Variants in MCTP2 observed in about 807,000 individuals in gnomAD.
MCTP2 encodes multiple C2 and transmembrane domain-containing protein 2.
A neutral mutation model predicts 111.6 loss-of-function variants in MCTP2; 132 were observed. The observed-to-expected ratio is 1.18, with a 90% CI of 1.03 to 1.37. The LOEUF (loss-of-function observed/expected upper bound fraction) is 1.37, where lower values mean the gene tolerates loss of function less well. Ranked by LOEUF, MCTP2 falls within the 40% of genes most tolerant of loss-of-function variation. The probability of loss-of-function intolerance (pLI) is 0.00; values close to 1 mark genes in which losing one functional copy is unlikely to be tolerated. For missense variants in MCTP2, 1,183 were observed against 1,067.9 expected, an observed-to-expected ratio of 1.11 and a Z score of -1.50; for synonymous variants, 395 against 387.7, an observed-to-expected ratio of 1.02 and a Z score of -0.22.
At chr15:94,352,176 T>C (rs993469377) in intron 8 of MCTP2, among the ~76,000 whole-genome samples, 1 of 152,228 alleles carries the variant, frequency 6.6e-6, no homozygotes, top group Non-Finnish European at 1.5e-5. Flanking sequence ...CAGAAACTTA[T>C]GAGGATTCCC....
intron 8 of MCTP2, among the ~76,000 whole-genome samples, chr15:94,353,464 C>G (rs1031389248): frequency 6.6e-6 from 1 of 152,142 alleles, no homozygotes; most frequent in African/African-American, 2.4e-5. Context: ...AGATAGAAGC[C>G]TTTCCAAGAT....
chr15:94,248,767 G>GT (rs2072198434), intron 1 of MCTP2, among the ~76,000 whole-genome samples: 3 of 152,184 alleles, frequency 2.0e-5, no homozygotes, highest in Non-Finnish European at 4.4e-5. Context: ...AGACAGTGAG[G>GT]CTTTGCAAAG....
chr15:94,375,270 C>T (rs2079703586), intron 12 of MCTP2, among the ~76,000 whole-genome samples: 1 of 152,178 alleles, frequency 6.6e-6, no homozygotes, highest in South Asian at 2.1e-4. Flanking sequence ...GAAGGATCCA[C>T]ACCTGTGATC....
At chr15:94,259,114 G>C (rs2073026717) in intron 1 of MCTP2, among the ~76,000 whole-genome samples, 1 of 152,200 alleles carries the variant, frequency 6.6e-6, no homozygotes, top group Non-Finnish European at 1.5e-5. Context: ...TGCTCACTCA[G>C]TTCACTCTGG....
At chr15:94,469,680 G>A (rs1379044585) in intron 20 of MCTP2, among the ~76,000 whole-genome samples, 1 of 152,026 alleles carries the variant, frequency 6.6e-6, no homozygotes. Context: ...CTAGCCTGGG[G>A]TGACATAGGG....
chr15:94,350,778 T>C (rs1224554495), intron 8 of MCTP2, among the ~76,000 whole-genome samples: 1 of 152,230 alleles, frequency 6.6e-6, no homozygotes, highest in Non-Finnish European at 1.5e-5. Flanking sequence ...ATTAATACTA[T>C]TGCACATGAG....
intron 1 of MCTP2, among the ~76,000 whole-genome samples, chr15:94,277,633 T>C (rs1301075742): frequency 6.6e-6 from 1 of 152,116 alleles, no homozygotes; most frequent in East Asian, 1.9e-4. Context: ...CTATAGAGAC[T>C]ATAATGCAAT....
chr15:94,450,362 G>A (rs116824217), intron 19 of MCTP2, among the ~76,000 whole-genome samples: 650 of 152,282 alleles, frequency 4.3e-3, no homozygotes, highest in African/African-American at 0.014. Context: ...GTGTGCACGC[G>A]CACGTGTGCG....
chr15:94,244,173 CAT>C (rs1356226357), intron 1 of MCTP2, among the ~76,000 whole-genome samples: 7 of 145,076 alleles, frequency 4.8e-5, no homozygotes, highest in Non-Finnish European at 9.0e-5. Context: ...CGTGTATACA[CAT>C]ACGTATGTGT....
chr15:94,249,649 C>G (rs973455098), intron 1 of MCTP2, among the ~76,000 whole-genome samples: 1 of 152,090 alleles, frequency 6.6e-6, no homozygotes, highest in Non-Finnish European at 1.5e-5. Context: ...CCACGCCCAG[C>G]TAATTTTTTG....
At position 94,339,370 on chromosome 15, in the gene MCTP2, C is replaced by G; in HGVS notation, c.718C>G (p.Pro240Ala). The change falls in exon 5 of 23, where the codon CCA (proline) becomes GCA (alanine). Residue 240 changes from proline to alanine, a missense_variant. Physicochemically the swap from Pro to Ala is conservative, Grantham distance 27 (BLOSUM62 -1). Transcript: ENST00000357742. ...KSKVIYKNLN[P>A]VWDEIVVLPI... ...TAAAGTCATATATAAGAACTTGAAC[C>G]CAGTATGGGATGAGATAGTTGTATT... is the stretch of plus-strand genomic sequence containing the variant. The G allele has an allele frequency of 6.2e-7, 1 of 1,611,958 alleles. No homozygotes were observed. The highest frequency in any genetic ancestry group is 8.5e-7 in the Non-Finnish European group (1 of 1,178,680).
At chr15:94,440,809 G>T (rs1201678191) in intron 18 of MCTP2, among the ~76,000 whole-genome samples, 3 of 152,148 alleles carry the variant, frequency 2.0e-5, no homozygotes, top group African/African-American at 4.8e-5. Context: ...CTATTTGCAG[G>T]TGCCCACATT....
At chr15:94,284,158 AATGGGACCTT>A (rs2152316593) in intron 1 of MCTP2, among the ~76,000 whole-genome samples, 1 of 152,314 alleles carries the variant, frequency 6.6e-6, no homozygotes, top group Non-Finnish European at 1.5e-5. Flanking sequence ...GGTGTTTCTC[AATGGGACCTT>A]ATTGGTAATT....
chr15:94,239,011 A>G (rs930636482), intron 1 of MCTP2, among the ~76,000 whole-genome samples: 1 of 150,704 alleles, frequency 6.6e-6, no homozygotes, highest in African/African-American at 2.4e-5. Context: ...TGACCGTGAA[A>G]AAAAAAAAAA....
intron 21 of MCTP2, among the ~76,000 whole-genome samples, chr15:94,472,022 G>A (rs1056725820): frequency 5.3e-5 from 8 of 152,144 alleles, no homozygotes; most frequent in African/African-American, 1.9e-4. Flanking sequence ...TGCTTCTTCT[G>A]GACTTCCTCA....
chr15:94,320,744 G>A (rs567823260), intron 4 of MCTP2, among the ~76,000 whole-genome samples: 4 of 152,290 alleles, frequency 2.6e-5, no homozygotes, highest in Non-Finnish European at 5.9e-5. Flanking sequence ...AGATGAAGAT[G>A]ACTTTCATAT....
At chr15:94,459,007 A>G (rs931547028) in intron 20 of MCTP2, among the ~76,000 whole-genome samples, 1 of 135,838 alleles carries the variant, frequency 7.4e-6, no homozygotes, top group South Asian at 2.7e-4. Context: ...AACTCCAGTT[A>G]AGAAAGACTG....
At chr15:94,323,167 T>C (rs2076703668) in intron 4 of MCTP2, among the ~76,000 whole-genome samples, 1 of 152,200 alleles carries the variant, frequency 6.6e-6, no homozygotes, top group African/African-American at 2.4e-5. Flanking sequence ...AACTACACCA[T>C]TGTTAATTGT....
intron 7 of MCTP2, among the ~76,000 whole-genome samples, chr15:94,344,901 T>C (rs1246837448): frequency 6.6e-6 from 1 of 152,216 alleles, no homozygotes; most frequent in Non-Finnish European, 1.5e-5. Context: ...GGCTTTTTCA[T>C]ACTGAATACT....
Sources: gnomAD v4.1 joint callset for allele counts (sites outside exome capture counted in the v4.1 genomes callset) on GRCh38, gnomAD v4.1.1 for gene constraint, MANE v1.5 for transcripts, NCBI Gene and HGNC (gene_info 2026-07-23, HGNC 2026-07-21) for gene names.